Variants in RFT1 observed in about 807,000 individuals in gnomAD.
RFT1 encodes man(5)GlcNAc(2)-PP-dolichol translocation protein RFT1.
Under a neutral mutation model 62.2 loss-of-function variants are expected in RFT1, and 43 were observed. The ratio of observed to expected loss-of-function variants is 0.69; its 90% CI spans 0.54 to 0.89. RFT1 has a LOEUF of 0.89. Among genes scored for constraint, RFT1 ranks in the 40% least tolerant of loss-of-function variants. The pLI is 0.00. For synonymous variants in RFT1, 262 were observed against 264.6 expected, an observed-to-expected ratio of 0.99 and a Z score of 0.10; for missense variants, 605 against 649.9, an observed-to-expected ratio of 0.93 and a Z score of 0.75.
At chr3:53,101,950 T>C (rs1205163529) in intron 10 of RFT1, among the ~76,000 whole-genome samples, 2 of 147,744 alleles carry the variant, frequency 1.4e-5, no homozygotes. Context: ...GAGGCGGGAG[T>C]CTCTTGAACC....
chr3:53,121,563 G>C, intron 5 of RFT1, 136 bp downstream of exon 5: 1 of 739,650 alleles, frequency 1.4e-6, no homozygotes, highest in South Asian at 1.5e-5. Flanking sequence ...GCAGTGCTAA[G>C]GCCACCCTTC....
At chr3:53,097,097 G>A (rs1333323163) in intron 11 of RFT1, among the ~76,000 whole-genome samples, 1 of 152,178 alleles carries the variant, frequency 6.6e-6, no homozygotes, top group African/African-American at 2.4e-5. Context: ...AGTTGGTTAA[G>A]TAAAATGCCT....
intron 6 of RFT1, among the ~76,000 whole-genome samples, chr3:53,114,730 C>T (rs929557632): frequency 1.4e-3 from 2 of 1,450 alleles, no homozygotes; most frequent in Non-Finnish European, 0.042. Context: ...AGCCATTCCA[C>T]TGCCCTCACT....
chr3:53,076,755 A>C, the RFT1 span, among the ~76,000 whole-genome samples: 1 of 152,150 alleles, frequency 6.6e-6, no homozygotes, highest in South Asian at 2.1e-4. Context: ...GTTCAAGACC[A>C]GCCTGGGCAA....
At chr3:53,101,807 G>T (rs376398198) in intron 10 of RFT1, among the ~76,000 whole-genome samples, 1 of 152,128 alleles carries the variant, frequency 6.6e-6, no homozygotes, top group Non-Finnish European at 1.5e-5. Context: ...GAGGCTGAAG[G>T]GGGGCAGATC....
chr3:53,083,819 T>A (rs765646906), downstream of RFT1, among the ~76,000 whole-genome samples: 2 of 152,234 alleles, frequency 1.3e-5, no homozygotes, highest in African/African-American at 4.8e-5. Context: ...CATCTGCACA[T>A]CTGCGAGAAC....
intron 6 of RFT1, among the ~76,000 whole-genome samples, chr3:53,115,774 G>A (rs1325038668): frequency 6.6e-6 from 1 of 152,218 alleles, no homozygotes; most frequent in Non-Finnish European, 1.5e-5. Context: ...CTTCCTTGAT[G>A]TTCCTAGATG....
chr3:53,110,226 T>A (rs1701607908), intron 7 of RFT1, among the ~76,000 whole-genome samples: 1 of 152,212 alleles, frequency 6.6e-6, no homozygotes, highest in African/African-American at 2.4e-5. Flanking sequence ...TGAGCAACCG[T>A]CCTTTCCAAA....
chr3:53,096,645 T>A (rs1701149500), intron 11 of RFT1, among the ~76,000 whole-genome samples: 1 of 151,074 alleles, frequency 6.6e-6, no homozygotes, highest in South Asian at 2.2e-4. Flanking sequence ...ATCACACCAC[T>A]GTACTCCAGC....
chr3:53,073,111 C>T, the RFT1 span, among the ~76,000 whole-genome samples: 3 of 152,240 alleles, frequency 2.0e-5, no homozygotes, highest in African/African-American at 7.2e-5. Flanking sequence ...TTTCAGCCCA[C>T]CGCGAAGGAG....
At chr3:53,084,197 C>A (rs1375619422), downstream of RFT1, among the ~76,000 whole-genome samples, 2 of 152,232 alleles carry the variant, frequency 1.3e-5, no homozygotes, top group East Asian at 3.8e-4. Flanking sequence ...CTGGCTCCTA[C>A]ATCACCAGCT....
intron 7 of RFT1, among the ~76,000 whole-genome samples, chr3:53,111,172 G>C (rs1157968390): frequency 1.3e-5 from 2 of 152,112 alleles, no homozygotes; most frequent in Non-Finnish European, 2.9e-5. Context: ...CCAGCACTCT[G>C]AGGCAGGCGG....
At chr3:53,112,138 T>C (rs968557295) in intron 6 of RFT1, among the ~76,000 whole-genome samples, 1 of 152,222 alleles carries the variant, frequency 6.6e-6, no homozygotes, top group African/African-American at 2.4e-5. Flanking sequence ...AAGACTCATA[T>C]ACTGAGACCC....
chr3:53,094,503 C>T (rs1352388794), intron 11 of RFT1, among the ~76,000 whole-genome samples: 5 of 152,016 alleles, frequency 3.3e-5, no homozygotes, highest in African/African-American at 9.7e-5. Flanking sequence ...GTACGAGAGC[C>T]TGTACCTCAC....
Position 53,120,025 on chromosome 3 carries a change from A to G in RFT1, c.559-4T>C, listed in dbSNP as rs201800178. 1 of 1,588,160 alleles carries G rather than the reference A, an allele frequency of 6.3e-7. No individual in the cohort carries two copies. Among genetic ancestry groups the G allele is most frequent in the African/African-American group, 1.4e-5 (1 of 73,296 alleles). On this transcript the variant is annotated splice_polypyrimidine_tract_variant and splice_region_variant and intron_variant, in intron 5 of 12. Coordinates refer to ENST00000296292, the MANE Select transcript of RFT1 (RefSeq NM_052859.4). ...CCAGAACTGTGGTATAGAAAAGCTG[A>G]GAAAAAAAATAAACTGTTTTAATAA...
At chr3:53,068,982 C>T in the RFT1 span, among the ~76,000 whole-genome samples, 2 of 152,130 alleles carry the variant, frequency 1.3e-5, no homozygotes, top group African/African-American at 2.4e-5. Context: ...TTTTGTTGCC[C>T]AGGCTGGAGT....
chr3:53,070,216 G>A, the RFT1 span, among the ~76,000 whole-genome samples: 1 of 152,008 alleles, frequency 6.6e-6, no homozygotes, highest in Non-Finnish European at 1.5e-5. Context: ...AGGAGTTCAA[G>A]ACCAGTGTGG....
intron 12 of RFT1, 121 bp downstream of exon 12, chr3:53,092,248 G>C (rs780103199): frequency 6.9e-7 from 1 of 1,447,752 alleles, no homozygotes. Flanking sequence ...ATCAGAAGAT[G>C]CTGCCCTAGA....
the RFT1 span, among the ~76,000 whole-genome samples, chr3:53,076,502 A>C: frequency 6.6e-6 from 1 of 152,218 alleles, no homozygotes; most frequent in Non-Finnish European, 1.5e-5. Context: ...AAGGAAATAG[A>C]ATACTACTTG....
Sources: gnomAD v4.1 joint callset for allele counts (sites outside exome capture counted in the v4.1 genomes callset) on GRCh38, gnomAD v4.1.1 for gene constraint, MANE v1.5 for transcripts, NCBI Gene and HGNC (gene_info 2026-07-23, HGNC 2026-07-21) for gene names.